Variants in MAP2K1 observed in about 807,000 individuals in gnomAD.
MAP2K1 encodes the protein dual specificity mitogen-activated protein kinase kinase 1.
Under a neutral mutation model 46.3 loss-of-function variants are expected in MAP2K1, and 16 were observed. The ratio of observed to expected loss-of-function variants is 0.35; its 90% CI spans 0.23 to 0.52. The LOEUF (loss-of-function observed/expected upper bound fraction) is 0.52. MAP2K1 is among the 20% of genes least tolerant of loss of function. MAP2K1 has a pLI of 0.94. For synonymous variants in MAP2K1, 183 were observed against 185.6 expected, an observed-to-expected ratio of 0.99 and a Z score of 0.11; for missense variants, 263 against 497.1, an observed-to-expected ratio of 0.53 and a Z score of 4.48.
rs756434943 is a variant in MAP2K1, at chr15:66,485,070, T to C, written c.774T>C (p.Val258=). The C allele has an allele frequency of 1.9e-6, 3 of 1,613,174 alleles. No individual in the cohort carries two copies. Among genetic ancestry groups the C allele is most frequent in the Non-Finnish European group, 2.5e-6 (3 of 1,179,312 alleles). Residue 258 remains valine, a synonymous_variant, in exon 7 of 11, where the codon GTT becomes GTC. Transcript: ENST00000307102. ...GACTGTCTCTGGTAGAGATGGCGGT[T>C]GGGAGGTATCCCATCCCTCCTCCAG... ...SMGLSLVEMA[V]GRYPIPPPDA... is the part of the protein sequence containing the mutation.
chr15:66,406,030 A>G (rs374355493), intron 1 of MAP2K1, among the ~76,000 whole-genome samples: 7 of 152,362 alleles, frequency 4.6e-5, no homozygotes, highest in Admixed American at 2.0e-4. Flanking sequence ...AGAGTCAAAT[A>G]GATTTAGATT....
intron 5 of MAP2K1, among the ~76,000 whole-genome samples, chr15:66,463,482 T>C (rs1430443288): frequency 7.5e-6 from 1 of 132,890 alleles, no homozygotes; most frequent in Non-Finnish European, 1.6e-5. Flanking sequence ...AGGGCAGGGG[T>C]TTTTTCATTA....
At chr15:66,469,985 C>T (rs564204908) in intron 5 of MAP2K1, among the ~76,000 whole-genome samples, 5 of 150,754 alleles carry the variant, frequency 3.3e-5, no homozygotes, top group Non-Finnish European at 7.4e-5. Flanking sequence ...CTAGCAAAAA[C>T]GTGGCATTGT....
At chr15:66,473,411 A>G (rs1892685250) in intron 5 of MAP2K1, among the ~76,000 whole-genome samples, 1 of 152,024 alleles carries the variant, frequency 6.6e-6, no homozygotes, top group African/African-American at 2.4e-5. Context: ...CCTGTCTACC[A>G]AAAAAAGAAA....
intron 5 of MAP2K1, 25 bp from the exon 6 acceptor site, chr15:66,481,730 C>CT (rs1426972712): frequency 6.2e-7 from 1 of 1,610,456 alleles, no homozygotes. Flanking sequence ...CAGTTCCCTC[C>CT]TTTTCTATTT....
At chr15:66,489,432 G>A (rs893955439) in intron 9 of MAP2K1, 156 bp downstream of exon 9, 1 of 758,964 alleles carries the variant, frequency 1.3e-6, no homozygotes, top group East Asian at 2.6e-5. Context: ...CCCTTTTTTA[G>A]AGTGCCAAGA....
At chr15:66,435,307 AGAAGGAAGACT>A in intron 2 of MAP2K1, 70 bp downstream of exon 2, 1 of 1,293,188 alleles carries the variant, frequency 7.7e-7, no homozygotes. Flanking sequence ...GGACCAGGGT[AGAAGGAAGACT>A]GATTTTACTC....
At chr15:66,395,642 T>G (rs1595836731) in intron 1 of MAP2K1, among the ~76,000 whole-genome samples, 1 of 150,472 alleles carries the variant, frequency 6.6e-6, no homozygotes, top group Non-Finnish European at 1.5e-5. Flanking sequence ...AGTCACATGA[T>G]CTTGGCTCAC....
At chr15:66,421,873 C>T (rs778263730) in intron 1 of MAP2K1, among the ~76,000 whole-genome samples, 4 of 120,340 alleles carry the variant, frequency 3.3e-5, no homozygotes, top group Admixed American at 2.1e-4. Flanking sequence ...TACTAGAATG[C>T]CCTCTTTCTC....
intron 5 of MAP2K1, among the ~76,000 whole-genome samples, chr15:66,449,238 T>C (rs181708509): frequency 2.1e-3 from 319 of 152,268 alleles, no homozygotes; most frequent in African/African-American, 7.5e-3. Context: ...AAAATATTAT[T>C]ATCAGATGAG....
At chr15:66,393,340 G>A (rs1262502461) in intron 1 of MAP2K1, among the ~76,000 whole-genome samples, 3 of 151,988 alleles carry the variant, frequency 2.0e-5, no homozygotes, top group Non-Finnish European at 4.4e-5. Flanking sequence ...ACCATGCCCA[G>A]CTAATTTTTA....
intron 5 of MAP2K1, among the ~76,000 whole-genome samples, chr15:66,445,810 G>A (rs997899498): frequency 6.6e-6 from 1 of 151,692 alleles, no homozygotes; most frequent in Non-Finnish European, 1.5e-5. Context: ...TGCCTTGAGG[G>A]GTCTAGGGAG....
chr15:66,390,494 T>C (rs1696740474), intron 1 of MAP2K1, among the ~76,000 whole-genome samples: 1 of 152,182 alleles, frequency 6.6e-6, no homozygotes, highest in Admixed American at 6.5e-5. Context: ...TTGGCACCTG[T>C]GCTTACCTCT....
At chr15:66,444,743 T>G (rs1441774611) in intron 5 of MAP2K1, 36 bp downstream of exon 5, 1 of 1,555,852 alleles carries the variant, frequency 6.4e-7, no homozygotes, top group South Asian at 1.1e-5. Flanking sequence ...TGCTTTGAAT[T>G]TTAGATATAA....
chr15:66,440,099 T>C (rs2093499745), intron 3 of MAP2K1, among the ~76,000 whole-genome samples: 1 of 152,074 alleles, frequency 6.6e-6, no homozygotes, highest in South Asian at 2.1e-4. Context: ...TGTTTTTGTT[T>C]GTTTGTTTTT....
chr15:66,484,804 C>T (rs941763837), intron 6 of MAP2K1, among the ~76,000 whole-genome samples, 186 bp from the exon 7 acceptor site: 1 of 152,188 alleles, frequency 6.6e-6, no homozygotes, highest in Non-Finnish European at 1.5e-5. Flanking sequence ...GGGGTTAAAG[C>T]CACAGAAGCC....
At chr15:66,466,768 T>C (rs1892480006) in intron 5 of MAP2K1, among the ~76,000 whole-genome samples, 1 of 152,140 alleles carries the variant, frequency 6.6e-6, no homozygotes, top group Non-Finnish European at 1.5e-5. Flanking sequence ...ATCAGCAGCA[T>C]TTAAGCAAAA....
Position 66,387,393 on chromosome 15 carries a change from G to A in MAP2K1, c.46G>A (p.Asp16Asn), listed in dbSNP as rs2140511706. The A allele has an allele frequency of 6.4e-7, 1 of 1,565,814 alleles. No individual in the cohort carries two copies. Among genetic ancestry groups the A allele is most frequent in the Non-Finnish European group, 8.7e-7 (1 of 1,154,486 alleles). The change falls in exon 1 of 11, where the codon GAC becomes AAC. Residue 16 changes from aspartate to asparagine, a missense_variant. Coordinates refer to ENST00000307102, the MANE Select transcript of MAP2K1 (RefSeq NM_002755.4). ...GCCCATCCAGCTGAACCCGGCCCCCGACGGCTCTGCAGTTAACGGGACCAG... is the reference window on the plus strand; with the variant it reads ...GCCCATCCAGCTGAACCCGGCCCCCAACGGCTCTGCAGTTAACGGGACCAG... ...PTPIQLNPAPDGSAVNGTSSA... is the reference protein window; with the variant it reads ...PTPIQLNPAPNGSAVNGTSSA...
At chr15:66,426,383 A>C (rs1381277840) in intron 1 of MAP2K1, among the ~76,000 whole-genome samples, 3 of 151,920 alleles carry the variant, frequency 2.0e-5, no homozygotes, top group Non-Finnish European at 4.4e-5. Context: ...AACCTTTATA[A>C]TTACTTGGCA....
Sources: allele counts gnomAD v4.1 joint callset (sites outside exome capture counted in the v4.1 genomes callset), GRCh38; gene constraint gnomAD v4.1.1; transcripts MANE v1.5; gene names NCBI Gene and HGNC (gene_info 2026-07-23, HGNC 2026-07-21).